DZIP1: variants seen among roughly 807,000 people sequenced by gnomAD.
The protein encoded by DZIP1 is cilium assembly protein DZIP1.
A neutral mutation model predicts 107.6 loss-of-function variants in DZIP1; 97 were observed. The observed-to-expected ratio is 0.90, with a 90% CI of 0.77 to 1.07. DZIP1 has a LOEUF of 1.07. DZIP1 is among the 50% of genes least tolerant of loss of function. The pLI is 0.00. For synonymous variants in DZIP1, 390 were observed against 386.4 expected (o/e 1.01, Z -0.11); for missense variants, 1,035 against 1,063.6 (o/e 0.97, Z 0.37).
rs1727878603 is a variant in DZIP1, at chr13:95,643,175, A to AT, written c.-346dup. The AT allele has an allele frequency of 6.6e-6, 1 of 152,206 alleles. No individual in the cohort carries two copies. Among genetic ancestry groups the AT allele is most frequent in the Non-Finnish European group, 1.5e-5 (1 of 68,034 alleles). 9.4% of individuals were successfully genotyped at this position (152,206 alleles called of 1,614,324 possible). A position where few individuals can be genotyped will look rare whatever the true frequency, so the allele number is the denominator to read the frequency against. ...CCTCCAGTGGTTACCACAGAGATCA[A>AT]TAAGCTGAGGAAAAGCCAGACATTC... is the stretch of plus-strand genomic sequence containing the variant. On this transcript the variant is annotated 5_prime_UTR_variant, in exon 3 of 23. An upstream open reading frame in the 5' UTR gains an earlier in-frame stop. Coordinates refer to ENST00000376829, the MANE Select transcript of DZIP1 (RefSeq NM_198968.4).
chr13:95,596,749 G>A (rs2138908803), intron 15 of DZIP1, among the ~76,000 whole-genome samples: 1 of 152,268 alleles, frequency 6.6e-6, no homozygotes, highest in Admixed American at 6.5e-5. Context: ...CTATGCCTTT[G>A]CTCAAAAAGC....
chr13:95,584,438 G>T, intron 22 of DZIP1: 1 of 297,174 alleles, frequency 3.4e-6, no homozygotes, highest in Non-Finnish European at 5.0e-6. Context: ...TAAGGTTGCA[G>T]TGAGCCATGA....
rs185941756 is a variant in DZIP1 at position 95,580,096 on chromosome 13, G to A, written c.*2138C>T. ...CACGCCTATAATCCCAGCACTTTGGGAGGACAAGACAGCGGATCATTTGAG... is the reference window on the plus strand; with the variant it reads ...CACGCCTATAATCCCAGCACTTTGGAAGGACAAGACAGCGGATCATTTGAG... On this transcript the variant is annotated 3_prime_UTR_variant, in exon 23 of 23. Transcript: ENST00000376829. 819 of 152,326 alleles carry A rather than the reference G, an allele frequency of 5.4e-3. 7 individuals are homozygous for A. Among genetic ancestry groups the A allele is most frequent in the Non-Finnish European group, 9.2e-3 (628 of 68,058 alleles). The allele number at this position is 152,326 out of a possible 1,614,324, so 9.4% of individuals were successfully genotyped here. A position where few individuals can be genotyped will look rare whatever the true frequency, so the allele number is the denominator to read the frequency against.
intron 13 of DZIP1, among the ~76,000 whole-genome samples, chr13:95,607,058 TTTTA>T (rs1169866257): frequency 4.7e-5 from 7 of 149,700 alleles, no homozygotes; most frequent in African/African-American, 9.8e-5. Context: ...TTTTATTTTT[TTTTA>T]AAAAACACAG....
At chr13:95,629,513 G>A (rs1188016271) in intron 7 of DZIP1, among the ~76,000 whole-genome samples, 1 of 152,208 alleles carries the variant, frequency 6.6e-6, no homozygotes, top group Non-Finnish European at 1.5e-5. Context: ...GAGCCCAGGA[G>A]TATGGGGAGC....
chr13:95,599,047 G>A (rs181695106), intron 15 of DZIP1, among the ~76,000 whole-genome samples: 16 of 152,218 alleles, frequency 1.1e-4, no homozygotes, highest in Admixed American at 9.8e-4. Context: ...TACACAACAC[G>A]TGTGTGTCTA....
chr13:95,605,972 A>G (rs767144882), intron 14 of DZIP1, 31 bp downstream of exon 14: 2 of 1,610,248 alleles, frequency 1.2e-6, no homozygotes, highest in South Asian at 1.1e-5. Flanking sequence ...GCAACTGCAC[A>G]TAAAACGCTG....
Position 95,641,675 on chromosome 13 carries a change from T to C in DZIP1, c.217A>G (p.Ser73Gly). 2.5e-6 allele frequency: 4 copies of C among 1,605,650 alleles called. No individual in the cohort carries two copies. Among genetic ancestry groups the C allele is most frequent in the Non-Finnish European group, 3.4e-6 (4 of 1,179,842 alleles). Residue 73 changes from serine (S) to glycine (G), a missense_variant, in exon 5 of 23, where the codon AGC becomes GGC. Ser to Gly is a moderately conservative substitution (Grantham distance 56, BLOSUM62 0). Transcript: ENST00000376829. This position sits in a 1 kb window ranked among gnomAD's most constrained non-coding sequence, Gnocchi z 4.3. ...GCCACCTTGTCCACGTCGATGGCGC[T>C]CAGCCGCCGCCAGTCCACACTCTCC... ...RLESVDWRRLSAIDVDKVAGA... is the reference protein window; with the variant it reads ...RLESVDWRRLGAIDVDKVAGA...
chr13:95,635,463 CT>C (rs957670795), intron 5 of DZIP1, among the ~76,000 whole-genome samples: 5 of 152,154 alleles, frequency 3.3e-5, no homozygotes, highest in African/African-American at 1.2e-4. Flanking sequence ...TCCCAAAGTG[CT>C]GGAATTACAG....
intron 8 of DZIP1, among the ~76,000 whole-genome samples, chr13:95,624,047 A>G (rs901872218): frequency 6.6e-6 from 1 of 152,202 alleles, no homozygotes; most frequent in Non-Finnish European, 1.5e-5. Context: ...ATCTCACGCT[A>G]GAGTTTAAAG....
At chr13:95,638,636 A>AACACAC (rs3051404) in intron 5 of DZIP1, among the ~76,000 whole-genome samples, 12,911 of 149,746 alleles carry the variant, frequency 0.086, 606 homozygotes, top group Non-Finnish European at 0.1. Flanking sequence ...CCTTATACAC[A>AACACAC]ACACACACAC....
At chr13:95,605,908 A>T (rs1365535654) in intron 14 of DZIP1, 95 bp downstream of exon 14, 2 of 1,254,150 alleles carry the variant, frequency 1.6e-6, no homozygotes, top group Non-Finnish European at 2.3e-6. Context: ...CTGTTTTATT[A>T]TTAATTACCT....
chr13:95,593,802 GATAA>G lies in DZIP1; in HGVS notation c.1680+138_1680+141del, dbSNP rs894779433. 1.5e-5 allele frequency: 14 copies of G among 944,964 alleles called. No homozygotes were observed. In the African/African-American group the frequency reaches 2.0e-4, roughly 14 times the overall value. 58.5% of individuals were successfully genotyped at this position (944,964 alleles called of 1,614,324 possible). ...CACAGTGAATGCTATTCAAGTGTTT[GATAA>G]ATAAAGTAGGTCACATTAGCCTCTG... On this transcript the variant is annotated intron_variant, in intron 16 of 22. Transcript: ENST00000376829.
chr13:95,641,766 G>A lies in DZIP1; in HGVS notation c.126C>T (p.Ser42=). 2 of 1,567,564 alleles carry A rather than the reference G, an allele frequency of 1.3e-6. No individual in the cohort carries two copies. Among genetic ancestry groups the A allele is most frequent in the Non-Finnish European group, 1.7e-6 (2 of 1,166,954 alleles). The change falls in exon 5 of 23, where the codon TCC becomes TCT. Residue 42 remains serine (S), a synonymous_variant. Coordinates refer to ENST00000376829, the MANE Select transcript of DZIP1 (RefSeq NM_198968.4). This position sits in a 1 kb window ranked among gnomAD's most constrained non-coding sequence, Gnocchi z 4.3. ...CCGCGCTGGGGGGCGCACAGGCCAT[G>A]GAGGCCGCACCCGCGGCGGCGGCGG... ...AVAAAAAGAA[S]MACAPPSAAS...
intron 14 of DZIP1, among the ~76,000 whole-genome samples, chr13:95,601,699 C>G (rs2044621182): frequency 6.6e-6 from 1 of 152,188 alleles, no homozygotes; most frequent in African/African-American, 2.4e-5. Context: ...GGACTGCCTG[C>G]TTCCAAAGTC....
chr13:95,621,711 TG>T, intron 9 of DZIP1, among the ~76,000 whole-genome samples: 2 of 148,510 alleles, frequency 1.3e-5, no homozygotes, highest in Non-Finnish European at 3.0e-5. Context: ...TGTGTGTGTG[TG>T]TGTATTTATT....
At chr13:95,631,812 G>A (rs1463376067) in intron 6 of DZIP1, among the ~76,000 whole-genome samples, 2 of 152,050 alleles carry the variant, frequency 1.3e-5, no homozygotes, top group African/African-American at 4.8e-5. Context: ...ACCAATGTCT[G>A]GATACAGTAG....
chr13:95,594,163 A>G (rs1230794434), intron 15 of DZIP1, 77 bp from the exon 16 acceptor site: 6 of 1,216,244 alleles, frequency 4.9e-6, no homozygotes, highest in Non-Finnish European at 6.9e-6. Context: ...GAAAATGGCA[A>G]ACCACAGCTT....
chr13:95,619,991 G>C, intron 9 of DZIP1, 44 bp from the exon 10 acceptor site: 1 of 1,603,322 alleles, frequency 6.2e-7, no homozygotes. Context: ...CTGTAACAAT[G>C]AGATCTATGC....
Sources: gnomAD v4.1 joint callset for allele counts (sites outside exome capture counted in the v4.1 genomes callset) on GRCh38, gnomAD v4.1.1 for gene constraint, Gnocchi (gnomAD v3.1) non-coding constraint, MANE v1.5 for transcripts, NCBI Gene and HGNC (gene_info 2026-07-23, HGNC 2026-07-21) for gene names.